Variants in TRAPPC9 observed in about 807,000 individuals in gnomAD.
TRAPPC9 encodes IKK2 binding protein.
In TRAPPC9, 83 loss-of-function variants were observed where a neutral mutation model predicts 124.0. That is an observed-to-expected ratio of 0.67 (90% confidence interval 0.56 to 0.80). The LOEUF is 0.80. Ranked by LOEUF, TRAPPC9 falls within the 30% of genes least tolerant of loss-of-function variation. TRAPPC9 has a pLI of 0.00. For synonymous variants in TRAPPC9, 638 were observed against 617.5 expected (o/e 1.03, Z -0.49); for missense variants, 1,302 against 1,508.3 (o/e 0.86, Z 2.27).
intron 9 of TRAPPC9, among the ~76,000 whole-genome samples, chr8:140,332,021 C>T (rs1262577979): frequency 6.6e-6 from 1 of 152,182 alleles, no homozygotes; most frequent in Non-Finnish European, 1.5e-5. Context: ...TACCTGCACT[C>T]CCATGTCTAC....
intron 20 of TRAPPC9, among the ~76,000 whole-genome samples, chr8:139,895,139 C>T (rs374010643): frequency 6.6e-6 from 1 of 152,176 alleles, no homozygotes; most frequent in Non-Finnish European, 1.5e-5. Context: ...TCCTGCAAAA[C>T]GACATCTCCA....
At chr8:139,928,645 G>A (rs975954080) in intron 19 of TRAPPC9, among the ~76,000 whole-genome samples, 2 of 151,682 alleles carry the variant, frequency 1.3e-5, no homozygotes, top group African/African-American at 4.8e-5. Context: ...CTGGGTGAGT[G>A]CGTGGCTGGG....
intron 9 of TRAPPC9, among the ~76,000 whole-genome samples, chr8:140,319,287 T>C (rs1283570551): frequency 7.1e-6 from 1 of 141,026 alleles, no homozygotes; most frequent in African/African-American, 2.7e-5. Flanking sequence ...ACCATTCTCC[T>C]GCCTCAGCCT....
intron 17 of TRAPPC9, chr8:140,039,837 G>C (rs1271830140): frequency 6.6e-6 from 1 of 152,248 alleles, no homozygotes; most frequent in Non-Finnish European, 1.5e-5. Flanking sequence ...CAACTTGTCA[G>C]TGGCCAGTCA....
intron 22 of TRAPPC9, among the ~76,000 whole-genome samples, 169 bp downstream of exon 22, chr8:139,731,810 C>T (rs972840728): frequency 6.6e-6 from 1 of 152,152 alleles, no homozygotes; most frequent in Non-Finnish European, 1.5e-5. Context: ...TGTCTAAGTT[C>T]CTGCAGTGAA....
At chr8:140,370,897 G>A in intron 8 of TRAPPC9, 67 bp downstream of exon 8, 1 of 1,572,288 alleles carries the variant, frequency 6.4e-7, no homozygotes, top group Admixed American at 1.7e-5. Flanking sequence ...TCAGGGCAGG[G>A]GCTGAAACAG....
Position 140,422,753 on chromosome 8 carries a change from C to CAA in TRAPPC9, c.886+3860_886+3861dup, listed in dbSNP as rs34303137. 1.6e-3 allele frequency among the ~76,000 whole-genome samples: 169 copies of CAA among 103,878 alleles called. 1 individual carries two copies. The highest frequency in any genetic ancestry group is 6.2e-3 in the East Asian group (22 of 3,546). The allele number at this position is 103,878 out of a possible 152,430, so 68.1% of individuals were successfully genotyped here. A position where few individuals can be genotyped will look rare whatever the true frequency, so the allele number is the denominator to read the frequency against. On this transcript the variant is annotated intron_variant, in intron 5 of 22. Coordinates refer to ENST00000438773, the MANE Select transcript of TRAPPC9 (RefSeq NM_001160372.4). ...TGGGCGACAAAGCAAGATTCTGTCT[C>CAA]AAAAAAAAAAAAAAAAACTGTTACA... is the stretch of plus-strand genomic sequence containing the variant.
chr8:140,165,699 T>C (rs1477245588), intron 17 of TRAPPC9, among the ~76,000 whole-genome samples: 1 of 151,800 alleles, frequency 6.6e-6, no homozygotes, highest in Non-Finnish European at 1.5e-5. Context: ...ATTTGACTGA[T>C]GAGGAAGCTG....
At chr8:139,901,211 T>C (rs977536887) in intron 20 of TRAPPC9, among the ~76,000 whole-genome samples, 3 of 152,010 alleles carry the variant, frequency 2.0e-5, no homozygotes, top group Non-Finnish European at 2.9e-5. Context: ...TGCTGGAAAA[T>C]AGGCTGTTTG....
intron 8 of TRAPPC9, among the ~76,000 whole-genome samples, chr8:140,361,431 T>A (rs1336730663): frequency 6.6e-6 from 1 of 152,200 alleles, no homozygotes; most frequent in African/African-American, 2.4e-5. Context: ...GAACCCTCGA[T>A]GAGAAGGGGG....
chr8:140,002,035 G>C (rs1838432470), intron 18 of TRAPPC9, among the ~76,000 whole-genome samples: 1 of 151,502 alleles, frequency 6.6e-6, no homozygotes, highest in Non-Finnish European at 1.5e-5. Flanking sequence ...ATTTCAAAAA[G>C]AAATAATTCT....
chr8:140,378,189 T>C (rs1447275285), intron 7 of TRAPPC9, among the ~76,000 whole-genome samples: 1 of 152,098 alleles, frequency 6.6e-6, no homozygotes. Context: ...CTCTTTGGAT[T>C]GGTTTTGTTT....
At chr8:139,738,945 G>A (rs527686313) in intron 21 of TRAPPC9, among the ~76,000 whole-genome samples, 1 of 152,286 alleles carries the variant, frequency 6.6e-6, no homozygotes, top group South Asian at 2.1e-4. Context: ...TCCTCTATGA[G>A]AGGTGCCAGA....
intron 16 of TRAPPC9, among the ~76,000 whole-genome samples, chr8:140,228,555 T>C (rs548453642): frequency 4.6e-5 from 7 of 152,372 alleles, no homozygotes; most frequent in African/African-American, 1.7e-4. Flanking sequence ...ACATTCCCCA[T>C]GGGCAGCCTC....
intron 21 of TRAPPC9, among the ~76,000 whole-genome samples, chr8:139,771,327 T>C (rs1820944022): frequency 6.6e-6 from 1 of 152,124 alleles, no homozygotes; most frequent in South Asian, 2.1e-4. Context: ...CTGGCATCAG[T>C]CCTGGCGCCT....
At chr8:139,794,260 C>CT (rs1169781508) in intron 21 of TRAPPC9, among the ~76,000 whole-genome samples, 2 of 152,214 alleles carry the variant, frequency 1.3e-5, no homozygotes, top group Non-Finnish European at 2.9e-5. Context: ...TGGTGGTCCC[C>CT]TAACGATGTG....
intron 4 of TRAPPC9, among the ~76,000 whole-genome samples, chr8:140,429,770 C>T (rs778825536): frequency 3.3e-5 from 5 of 151,946 alleles, no homozygotes; most frequent in Non-Finnish European, 7.4e-5. Context: ...TGTGCCATTG[C>T]ACTCCAGCCT....
intron 21 of TRAPPC9, among the ~76,000 whole-genome samples, chr8:139,790,942 T>C (rs1208171829): frequency 6.6e-6 from 1 of 152,002 alleles, no homozygotes; most frequent in African/African-American, 2.4e-5. Flanking sequence ...TCCTCCTCCT[T>C]CTCTATTGTG....
intron 21 of TRAPPC9, among the ~76,000 whole-genome samples, chr8:139,884,913 AG>A (rs1042892863): frequency 1.3e-5 from 2 of 152,196 alleles, no homozygotes; most frequent in African/African-American, 2.4e-5. Context: ...CTGCAGGATC[AG>A]GGGGTCTCCA....
Sources: gnomAD v4.1 joint callset for allele counts (sites outside exome capture counted in the v4.1 genomes callset) on GRCh38, gnomAD v4.1.1 for gene constraint, MANE v1.5 for transcripts, NCBI Gene and HGNC (gene_info 2026-07-23, HGNC 2026-07-21) for gene names.